Variants in RAD51B observed in about 807,000 individuals in gnomAD.
The protein encoded by RAD51B is DNA repair protein RAD51 homolog 2.
Under a neutral mutation model 42.2 loss-of-function variants are expected in RAD51B, and 38 were observed. The observed-to-expected ratio is 0.90, with a 90% CI of 0.70 to 1.18. The LOEUF is 1.18. Among genes scored for constraint, RAD51B ranks in the 50% most tolerant of loss-of-function variants. The probability of loss-of-function intolerance (pLI) is 0.00; values close to 1 mark genes in which losing one functional copy is unlikely to be tolerated. For synonymous variants in RAD51B, 154 were observed against 145.2 expected, an observed-to-expected ratio of 1.06 and a Z score of -0.43; for missense variants, 373 against 400.7, an observed-to-expected ratio of 0.93 and a Z score of 0.59.
intron 7 of RAD51B, among the ~76,000 whole-genome samples, chr14:68,136,195 G>C (rs1018964870): frequency 1.3e-5 from 2 of 152,080 alleles, no homozygotes; most frequent in African/African-American, 4.8e-5. Flanking sequence ...CGTCTGAATT[G>C]AAAATTTAAT....
At chr14:68,237,736 T>C (rs1419839077) in intron 7 of RAD51B, among the ~76,000 whole-genome samples, 2 of 140,670 alleles carry the variant, frequency 1.4e-5, no homozygotes, top group African/African-American at 5.4e-5. Context: ...ATTTCTCTTT[T>C]TTTTTTTTTT....
At chr14:68,590,755 T>A (rs1051293438) in intron 10 of RAD51B, among the ~76,000 whole-genome samples, 1 of 152,224 alleles carries the variant, frequency 6.6e-6, no homozygotes, top group Admixed American at 6.5e-5. Flanking sequence ...AGGAGGGCAA[T>A]GATGCCGAAT....
chr14:68,468,416 T>C, intron 10 of RAD51B, 166 bp downstream of exon 10: 2 of 799,062 alleles, frequency 2.5e-6, no homozygotes, highest in African/African-American at 1.7e-5. Context: ...AGAGCGGCAG[T>C]TGTGGCAAGA....
chr14:68,459,260 C>T (rs1441425031), intron 9 of RAD51B, among the ~76,000 whole-genome samples: 3 of 152,178 alleles, frequency 2.0e-5, no homozygotes, highest in Admixed American at 1.3e-4. Context: ...TTATCAAAAG[C>T]CTGTTGAATT....
intron 7 of RAD51B, among the ~76,000 whole-genome samples, chr14:68,210,646 GTT>G (rs1315763620): frequency 7.9e-5 from 12 of 152,082 alleles, no homozygotes; most frequent in Admixed American, 2.0e-4. Flanking sequence ...ACTTAAAATA[GTT>G]TTCTTACCTG....
At chr14:67,881,712 C>G (rs978573311) in intron 5 of RAD51B, among the ~76,000 whole-genome samples, 3 of 152,128 alleles carry the variant, frequency 2.0e-5, no homozygotes, top group Admixed American at 6.5e-5. Context: ...CTCAAGCTTT[C>G]TATTGTTCAG....
At chr14:68,165,959 G>T (rs1022106124) in intron 7 of RAD51B, among the ~76,000 whole-genome samples, 4 of 152,040 alleles carry the variant, frequency 2.6e-5, no homozygotes, top group African/African-American at 9.7e-5. Flanking sequence ...AATGATCTCG[G>T]CATTAATATC....
chr14:68,304,856 C>G (rs2081827170), intron 8 of RAD51B, among the ~76,000 whole-genome samples: 1 of 152,196 alleles, frequency 6.6e-6, no homozygotes, highest in Non-Finnish European at 1.5e-5. Context: ...AGACAGGCTT[C>G]TCTGTTCACC....
intron 10 of RAD51B, chr14:68,541,064 A>G (rs1887938114): frequency 2.0e-6 from 2 of 985,404 alleles, no homozygotes; most frequent in Non-Finnish European, 2.4e-6. Context: ...AGAAGAGGGT[A>G]TGCCCTCATT....
chr14:68,587,768 A>C (rs4902604), intron 10 of RAD51B, among the ~76,000 whole-genome samples: 26,417 of 152,210 alleles, frequency 0.17, 2,913 homozygotes, highest in Non-Finnish European at 0.24. Flanking sequence ...GCCAAGTCAT[A>C]GGGAAGAGTA....
At chr14:68,405,534 T>G (rs2084246736) in intron 8 of RAD51B, among the ~76,000 whole-genome samples, 1 of 152,166 alleles carries the variant, frequency 6.6e-6, no homozygotes, top group African/African-American at 2.4e-5. Context: ...TTGTAAGAAC[T>G]CCTAAAAATA....
chr14:68,066,685 A>G (rs2076655491), intron 7 of RAD51B, among the ~76,000 whole-genome samples: 1 of 152,156 alleles, frequency 6.6e-6, no homozygotes, highest in Admixed American at 6.5e-5. Context: ...TACTTGGGAG[A>G]GTGAGGCAGG....
chr14:68,202,460 A>G (rs1012546915), intron 7 of RAD51B, among the ~76,000 whole-genome samples: 9 of 151,756 alleles, frequency 5.9e-5, no homozygotes, highest in Admixed American at 5.9e-4. Context: ...AACTACGTTT[A>G]TATAATATTC....
intron 7 of RAD51B, among the ~76,000 whole-genome samples, chr14:67,973,232 A>G (rs1433369437): frequency 2.0e-5 from 3 of 152,168 alleles, no homozygotes; most frequent in Non-Finnish European, 4.4e-5. Flanking sequence ...TCAACCTGGA[A>G]TCTGCTTTGA....
intron 8 of RAD51B, among the ~76,000 whole-genome samples, chr14:68,391,957 A>G (rs961107718): frequency 1.3e-5 from 2 of 152,184 alleles, no homozygotes; most frequent in Admixed American, 1.3e-4. Flanking sequence ...TGGTTTTACT[A>G]AATGTCCTCT....
At chr14:68,193,096 G>A (rs1220328969) in intron 7 of RAD51B, among the ~76,000 whole-genome samples, 2 of 151,916 alleles carry the variant, frequency 1.3e-5, no homozygotes, top group East Asian at 1.9e-4. Context: ...TTGATCCCGC[G>A]TGACCCCTCC....
At chr14:68,577,802 T>G (rs999898747) in intron 10 of RAD51B, among the ~76,000 whole-genome samples, 1 of 152,176 alleles carries the variant, frequency 6.6e-6, no homozygotes, top group Admixed American at 6.5e-5. Context: ...CAAAGTTGTG[T>G]CCCCGGCACT....
At chr14:68,050,423 C>T (rs1016421635) in intron 7 of RAD51B, among the ~76,000 whole-genome samples, 2 of 151,940 alleles carry the variant, frequency 1.3e-5, no homozygotes, top group East Asian at 1.9e-4. Context: ...ATTTTTTAGT[C>T]GACAACAAAA....
chr14:68,305,742 C>T (rs1318408027), intron 8 of RAD51B, among the ~76,000 whole-genome samples: 2 of 152,174 alleles, frequency 1.3e-5, no homozygotes, highest in Non-Finnish European at 2.9e-5. Context: ...GTCTGCAGTG[C>T]CTGGATATCA....
Sources: allele counts gnomAD v4.1 joint callset (sites outside exome capture counted in the v4.1 genomes callset), GRCh38; gene constraint gnomAD v4.1.1; transcripts MANE v1.5; gene names NCBI Gene and HGNC (gene_info 2026-07-23, HGNC 2026-07-21).